Variants in GPC6 observed in about 807,000 individuals in gnomAD.
GPC6 encodes glypican-6.
GPC6 carries 14 observed loss-of-function variants against 55.2 expected under a neutral mutation model. The ratio of observed to expected loss-of-function variants is 0.25; its 90% CI spans 0.17 to 0.40. The LOEUF is 0.40. GPC6 is among the 10% of genes least tolerant of loss of function. The probability of loss-of-function intolerance (pLI) is 1.00; values close to 1 mark genes in which losing one functional copy is unlikely to be tolerated. For synonymous variants in GPC6, 278 were observed against 259.6 expected, an observed-to-expected ratio of 1.07 and a Z score of -0.68; for missense variants, 641 against 708.5, an observed-to-expected ratio of 0.90 and a Z score of 1.08.
chr13:93,885,992 C>G (rs1875301740), intron 3 of GPC6, among the ~76,000 whole-genome samples: 1 of 151,960 alleles, frequency 6.6e-6, no homozygotes, highest in Non-Finnish European at 1.5e-5. Flanking sequence ...TGTTTTATTT[C>G]ATTTAGGAGA....
chr13:93,583,949 A>G lies in GPC6; in HGVS notation c.319+38528A>G, dbSNP rs184623665. Among the ~76,000 whole-genome samples, 34 of 152,308 alleles carry G rather than the reference A, an allele frequency of 2.2e-4. No homozygotes were observed. The East Asian group carries it at 6.4e-3, about 29-fold the overall frequency. ...CCAGAGAAAACCTCCTACTCATTTCACATGTAAAATCAGGAGTGGTTCATA... is the reference window on the plus strand; with the variant it reads ...CCAGAGAAAACCTCCTACTCATTTCGCATGTAAAATCAGGAGTGGTTCATA... On this transcript the variant is annotated intron_variant, in intron 2 of 8. Transcript: ENST00000377047.
At chr13:93,575,623 A>G (rs1029581565) in intron 2 of GPC6, among the ~76,000 whole-genome samples, 10 of 152,140 alleles carry the variant, frequency 6.6e-5, no homozygotes, top group Non-Finnish European at 1.3e-4. Flanking sequence ...TCTCATCTCT[A>G]TCATTTCCTG....
chr13:93,854,828 C>T (rs1223175730), intron 3 of GPC6, among the ~76,000 whole-genome samples: 1 of 151,582 alleles, frequency 6.6e-6, no homozygotes, highest in African/African-American at 2.4e-5. Context: ...ACTTTCCCAC[C>T]TAAAAGAATC....
chr13:93,630,247 G>A (rs1879373886), intron 2 of GPC6, among the ~76,000 whole-genome samples: 1 of 152,154 alleles, frequency 6.6e-6, no homozygotes, highest in African/African-American at 2.4e-5. Context: ...ATCCTAACAT[G>A]GAAACCAACT....
At chr13:93,702,285 T>C (rs1566494398) in intron 2 of GPC6, among the ~76,000 whole-genome samples, 2 of 152,056 alleles carry the variant, frequency 1.3e-5, no homozygotes, top group Non-Finnish European at 2.9e-5. Flanking sequence ...AATATTTTGA[T>C]AGGAATCTTT....
At chr13:94,351,235 T>C (rs1566707812) in intron 6 of GPC6, among the ~76,000 whole-genome samples, 1 of 150,658 alleles carries the variant, frequency 6.6e-6, no homozygotes, top group Non-Finnish European at 1.5e-5. Context: ...GAAAAGTGTA[T>C]ATCGGTGGCA....
chr13:94,060,138 A>T (rs1261310754), intron 4 of GPC6, among the ~76,000 whole-genome samples: 1 of 152,166 alleles, frequency 6.6e-6, no homozygotes, highest in Non-Finnish European at 1.5e-5. Context: ...TAGGTCTCCC[A>T]ACACTGTGAT....
At chr13:94,154,528 C>T (rs772013198) in intron 4 of GPC6, 11 of 152,150 alleles carry the variant, frequency 7.2e-5, no homozygotes, top group African/African-American at 1.9e-4. Flanking sequence ...CCAACATGTA[C>T]CATGTGACTG....
intron 1 of GPC6, among the ~76,000 whole-genome samples, chr13:93,478,821 A>G (rs1329643408): frequency 1.3e-5 from 2 of 152,174 alleles, no homozygotes; most frequent in East Asian, 3.8e-4. Context: ...CACCCAACCT[A>G]TTTTACTGGT....
At chr13:93,776,705 A>G (rs975321028) in intron 2 of GPC6, among the ~76,000 whole-genome samples, 1 of 152,202 alleles carries the variant, frequency 6.6e-6, no homozygotes, top group African/African-American at 2.4e-5. Context: ...GGAAACCTCC[A>G]TATACTAGGC....
At chr13:93,958,733 C>T (rs1591697) in intron 3 of GPC6, among the ~76,000 whole-genome samples, 107,106 of 151,942 alleles carry the variant, frequency 0.7, 38,294 homozygotes, top group African/African-American at 0.81. Flanking sequence ...TGTAAAGAAT[C>T]ATGTTGGTAA....
intron 4 of GPC6, among the ~76,000 whole-genome samples, chr13:94,205,235 A>G (rs2138981290): frequency 6.6e-6 from 1 of 152,278 alleles, no homozygotes; most frequent in South Asian, 2.1e-4. Flanking sequence ...TCAGATTCCA[A>G]CAAACAGGAG....
At chr13:93,309,791 A>C (rs1594087868) in intron 1 of GPC6, among the ~76,000 whole-genome samples, 1 of 152,332 alleles carries the variant, frequency 6.6e-6, no homozygotes, top group South Asian at 2.1e-4. Context: ...ACAGTGTAAT[A>C]GTTATTGTTT....
At chr13:94,177,003 A>T (rs192489832) in intron 4 of GPC6, among the ~76,000 whole-genome samples, 7 of 152,370 alleles carry the variant, frequency 4.6e-5, no homozygotes, top group Admixed American at 4.6e-4. Flanking sequence ...TATTTTTAAA[A>T]GACAGAAAAA....
chr13:93,220,237 G>A, the GPC6 span, among the ~76,000 whole-genome samples: 1 of 152,196 alleles, frequency 6.6e-6, no homozygotes, highest in African/African-American at 2.4e-5. Context: ...TACCGAATAA[G>A]CCTGTGTTGT....
At chr13:93,617,548 C>T (rs527782778) in intron 2 of GPC6, among the ~76,000 whole-genome samples, 3 of 152,026 alleles carry the variant, frequency 2.0e-5, no homozygotes, top group Non-Finnish European at 4.4e-5. Context: ...GAAGCCCCCT[C>T]GGACACACAT....
chr13:93,640,245 T>A (rs548994073), intron 2 of GPC6, among the ~76,000 whole-genome samples: 1 of 144,664 alleles, frequency 6.9e-6, no homozygotes, highest in African/African-American at 2.5e-5. Flanking sequence ...TTTTCAGCCA[T>A]ATGCAATAGT....
intron 4 of GPC6, among the ~76,000 whole-genome samples, chr13:94,199,909 T>C (rs1449694538): frequency 6.6e-6 from 1 of 152,072 alleles, no homozygotes; most frequent in Non-Finnish European, 1.5e-5. Context: ...GTAATCCCAG[T>C]ACTTTGGGAG....
chr13:93,323,206 CAA>C (rs1452745186), intron 1 of GPC6, among the ~76,000 whole-genome samples: 2 of 152,088 alleles, frequency 1.3e-5, no homozygotes, highest in Non-Finnish European at 2.9e-5. Context: ...GTCAACTCAT[CAA>C]AGTGTCTTTA....
Sources: allele counts gnomAD v4.1 joint callset (sites outside exome capture counted in the v4.1 genomes callset), GRCh38; gene constraint gnomAD v4.1.1; transcripts MANE v1.5; gene names NCBI Gene and HGNC (gene_info 2026-07-23, HGNC 2026-07-21).